XXYLT1: variants seen among roughly 807,000 people sequenced by gnomAD.
The protein encoded by XXYLT1 is UDP-xylose:alpha-xyloside alpha-1,3-xylosyltransferase.
In XXYLT1, 20 loss-of-function variants were observed where a neutral mutation model predicts 28.9. The ratio of observed to expected loss-of-function variants is 0.69; its 90% confidence interval spans 0.49 to 1.00. XXYLT1 has a LOEUF of 1.00. Ranked by LOEUF, XXYLT1 falls within the 50% of genes least tolerant of loss-of-function variation. The pLI, the probability that XXYLT1 is intolerant of heterozygous loss-of-function variation, is 0.00. For synonymous variants in XXYLT1, 257 were observed against 253.8 expected (o/e 1.01, Z -0.12); for missense variants, 542 against 560.1 (o/e 0.97, Z 0.33).
At chr3:195,181,063 T>G (rs1721926457) in intron 2 of XXYLT1, among the ~76,000 whole-genome samples, 1 of 152,214 alleles carries the variant, frequency 6.6e-6, no homozygotes, top group African/African-American at 2.4e-5. Flanking sequence ...GGGGCCCACC[T>G]GCGGCCAGGT....
chr3:195,069,976 G>C lies in XXYLT1; in HGVS notation c.921C>G (p.Ser307Arg). The C allele has an allele frequency of 6.2e-7, 1 of 1,610,308 alleles. No homozygotes were observed. Among genetic ancestry groups the C allele is most frequent in the Non-Finnish European group, 8.5e-7 (1 of 1,179,748 alleles). Residue 307 changes from serine (S) to arginine (R), a missense_variant, in exon 4 of 4, where the codon AGC becomes AGG. By Grantham distance (110) the Ser-to-Arg change is moderately radical. Coordinates refer to ENST00000310380, the MANE Select transcript of XXYLT1 (RefSeq NM_152531.5). ...LEAMRQSPLYSRLLEPAQVQQ... is the reference protein window; with the variant it reads ...LEAMRQSPLYRRLLEPAQVQQ... ...GCACCTGCGCCGGCTCCAGCAGGCG[G>C]CTGTAGAGCGGGGACTGGCGCATGG...
At chr3:195,232,903 A>G (rs1241328453) in intron 1 of XXYLT1, among the ~76,000 whole-genome samples, 1 of 152,218 alleles carries the variant, frequency 6.6e-6, no homozygotes, top group African/African-American at 2.4e-5. Context: ...CATTTCGTCT[A>G]TGGTGCAGAT....
rs1468752688 is a variant in XXYLT1 at position 195,175,907 on chromosome 3, T to A, written c.653-19326A>T. 5.7e-6 allele frequency: 8 copies of A among 1,400,742 alleles called. No homozygotes were observed. In the East Asian group the frequency reaches 1.6e-4, roughly 28 times the overall value. The allele number at this position is 1,400,742 out of a possible 1,614,324, so 86.8% of individuals were successfully genotyped here. On this transcript the variant is annotated intron_variant, in intron 2 of 3. Transcript: ENST00000310380. ...TTTGTGTGGGAAAGAAAAAAAAAAATTATGTATGAAGTCACAGAAATTTCA... is the reference window on the plus strand; with the variant it reads ...TTTGTGTGGGAAAGAAAAAAAAAAAATATGTATGAAGTCACAGAAATTTCA...
rs555692564 is a variant in XXYLT1 at position 195,216,586 on chromosome 3, C to T, written c.652+10123G>A. The stretch of plus-strand genomic sequence containing the variant: ...GAAGAAATGGATAAATTCCTCGACA[C>T]ATACACTCTCCCAAGACTAAACCAG... On this transcript the variant is annotated intron_variant, in intron 2 of 3. Coordinates refer to ENST00000310380, the MANE Select transcript of XXYLT1 (RefSeq NM_152531.5). Among the ~76,000 whole-genome samples, 447 of 148,940 alleles carry T rather than the reference C, an allele frequency of 3.0e-3. 1 individual carries two copies. Among genetic ancestry groups the T allele is most frequent in the South Asian group, 9.0e-3 (42 of 4,644 alleles).
intron 1 of XXYLT1, among the ~76,000 whole-genome samples, chr3:195,248,981 C>A (rs1480740972): frequency 6.6e-6 from 1 of 152,114 alleles, no homozygotes; most frequent in Non-Finnish European, 1.5e-5. Context: ...TTATCAGCAG[C>A]GTGAAAATGG....
At chr3:195,156,717 G>T in intron 2 of XXYLT1, 136 bp from the exon 3 acceptor site, 3 of 1,186,744 alleles carry the variant, frequency 2.5e-6, no homozygotes, top group Non-Finnish European at 3.5e-6. Flanking sequence ...CACAGTTACC[G>T]CTGGAACAAA....
chr3:195,154,988 C>T (rs1185302261), intron 3 of XXYLT1, among the ~76,000 whole-genome samples: 2 of 152,182 alleles, frequency 1.3e-5, no homozygotes, highest in Admixed American at 1.3e-4. Flanking sequence ...GGTGGGGAGT[C>T]TTCTACAGTT....
chr3:195,193,045 G>A (rs535132393), intron 2 of XXYLT1, among the ~76,000 whole-genome samples: 2 of 152,124 alleles, frequency 1.3e-5, no homozygotes, highest in Non-Finnish European at 2.9e-5. Context: ...TAGCACTTTA[G>A]GAGGCCAAGG....
At chr3:195,268,921 A>G (rs1429204902) in intron 1 of XXYLT1, among the ~76,000 whole-genome samples, 2 of 152,224 alleles carry the variant, frequency 1.3e-5, no homozygotes, top group Admixed American at 1.3e-4. Flanking sequence ...GGGATGGATG[A>G]TAAGACATGA....
intron 2 of XXYLT1, among the ~76,000 whole-genome samples, chr3:195,163,934 G>A (rs1720991559): frequency 6.6e-6 from 1 of 152,262 alleles, no homozygotes; most frequent in Non-Finnish European, 1.5e-5. Flanking sequence ...CCTGCAATGA[G>A]GCAGACTGTT....
rs1415127112 is a variant in XXYLT1 at position 195,124,638 on chromosome 3, T to C, written c.785+31811A>G. On this transcript the variant is annotated intron_variant, in intron 3 of 3. Coordinates refer to ENST00000310380, the MANE Select transcript of XXYLT1 (RefSeq NM_152531.5). This position sits in a 1 kb window ranked among gnomAD's most constrained non-coding sequence, Gnocchi z 4.1. ...CAGGAAATATTTGCTGACAGACTGATAAACTAATGAGCACATGCCTTACTG... is the reference window on the plus strand; with the variant it reads ...CAGGAAATATTTGCTGACAGACTGACAAACTAATGAGCACATGCCTTACTG... Among the ~76,000 whole-genome samples, 2 of 152,156 alleles carry C rather than the reference T, an allele frequency of 1.3e-5. No individual in the cohort carries two copies. The highest frequency in any genetic ancestry group is 6.5e-5 in the Admixed American group (1 of 15,278).
Position 195,132,243 on chromosome 3 carries a change from G to C in XXYLT1, c.785+24206C>G, listed in dbSNP as rs185949737. ...GGATAGAAATAGTATTGGCTTTATG[G>C]AGTTGGGATAATTAAACATTCCAAT... is the stretch of plus-strand genomic sequence containing the variant. On this transcript the variant is annotated intron_variant, in intron 3 of 3. Coordinates refer to ENST00000310380, the MANE Select transcript of XXYLT1 (RefSeq NM_152531.5). Among the ~76,000 whole-genome samples the C allele has an allele frequency of 2.0e-5, 3 of 152,334 alleles. No individual in the cohort carries two copies. In the East Asian group the frequency reaches 5.8e-4, roughly 29 times the overall value.
chr3:195,139,570 A>G (rs565829694), intron 3 of XXYLT1, among the ~76,000 whole-genome samples: 1 of 152,294 alleles, frequency 6.6e-6, no homozygotes, highest in East Asian at 1.9e-4. Flanking sequence ...ATACCTCTTG[A>G]GGGTGGGGTC....
At chr3:195,266,354 G>C (rs781189890) in intron 1 of XXYLT1, among the ~76,000 whole-genome samples, 1 of 152,110 alleles carries the variant, frequency 6.6e-6, no homozygotes, top group Non-Finnish European at 1.5e-5. Flanking sequence ...AACTAGCTGG[G>C]TGTGGCGGTG....
chr3:195,258,878 C>G (rs1030426886), intron 1 of XXYLT1, among the ~76,000 whole-genome samples: 4 of 152,336 alleles, frequency 2.6e-5, no homozygotes, highest in Non-Finnish European at 5.9e-5. Flanking sequence ...ACGGGGACAC[C>G]GGAAATAAAC....
At position 195,088,113 on chromosome 3, in the gene XXYLT1, C is replaced by A. The variant is rs547698935; in HGVS notation, c.786-18002G>T. ...GGTGGCAGCGAGGCTGGGGGAGGGGCGCCCGCCATTGCCCAGGCTTGATTA... is the reference window on the plus strand; with the variant it reads ...GGTGGCAGCGAGGCTGGGGGAGGGGAGCCCGCCATTGCCCAGGCTTGATTA... On this transcript the variant is annotated intron_variant, in intron 3 of 3. Transcript: ENST00000310380. 3.4e-3 allele frequency among the ~76,000 whole-genome samples: 523 copies of A among 151,764 alleles called. 1 individual carries two copies. Among genetic ancestry groups the A allele is most frequent in the African/African-American group, 0.012 (501 of 41,422 alleles).
At chr3:195,222,118 A>G (rs1467617393) in intron 2 of XXYLT1, among the ~76,000 whole-genome samples, 1 of 152,168 alleles carries the variant, frequency 6.6e-6, no homozygotes, top group Non-Finnish European at 1.5e-5. Flanking sequence ...GGGCTGCGAC[A>G]TGGGGCCCAG....
At chr3:195,073,338 C>T (rs1415466155) in intron 3 of XXYLT1, among the ~76,000 whole-genome samples, 1 of 152,230 alleles carries the variant, frequency 6.6e-6, no homozygotes, top group Non-Finnish European at 1.5e-5. Context: ...GACCCCTGCC[C>T]TTCTTCACAG....
chr3:195,232,481 T>G (rs1013510512), intron 1 of XXYLT1, among the ~76,000 whole-genome samples: 19 of 152,124 alleles, frequency 1.2e-4, no homozygotes, highest in Admixed American at 7.9e-4. Flanking sequence ...ATTAGGTGGT[T>G]TATTTGAACT....
Sources: gnomAD v4.1 joint callset for allele counts (sites outside exome capture counted in the v4.1 genomes callset) on GRCh38, gnomAD v4.1.1 for gene constraint, Gnocchi (gnomAD v3.1) non-coding constraint, MANE v1.5 for transcripts, NCBI Gene and HGNC (gene_info 2026-07-23, HGNC 2026-07-21) for gene names.